MNAT1: variants seen among roughly 807,000 people sequenced by gnomAD.
The protein encoded by MNAT1 is MNAT1 component of CDK activating kinase, also known as CDK-activating kinase assembly factor MAT1.
Under a neutral mutation model 42.0 loss-of-function variants are expected in MNAT1, and 43 were observed. The ratio of observed to expected loss-of-function variants is 1.02; its 90% CI spans 0.80 to 1.32. The LOEUF (loss-of-function observed/expected upper bound fraction) is 1.32. Ranked by LOEUF, MNAT1 falls within the 40% of genes most tolerant of loss-of-function variation. MNAT1 has a pLI of 0.00. For missense variants in MNAT1, 306 were observed against 350.4 expected (o/e 0.87, Z 1.01); for synonymous variants, 118 against 120.0 (o/e 0.98, Z 0.11).
chr14:60,858,335 G>C (rs184430663), intron 6 of MNAT1, among the ~76,000 whole-genome samples: 1 of 151,570 alleles, frequency 6.6e-6, no homozygotes, highest in East Asian at 1.9e-4. Flanking sequence ...GTGATGATGA[G>C]CTTTTTTTCA....
intron 6 of MNAT1, among the ~76,000 whole-genome samples, chr14:60,819,669 C>G (rs935489224): frequency 6.6e-6 from 1 of 152,102 alleles, no homozygotes; most frequent in Non-Finnish European, 1.5e-5. Flanking sequence ...CAATTAAAAA[C>G]TGGTTTTAAA....
intron 6 of MNAT1, among the ~76,000 whole-genome samples, chr14:60,830,217 G>T (rs114825454): frequency 1.8e-3 from 278 of 152,318 alleles, no homozygotes; most frequent in African/African-American, 6.5e-3. Flanking sequence ...GTTAGCAAAA[G>T]AATGGAGGGT....
chr14:60,812,218 CCA>C (rs2032575330), intron 5 of MNAT1, 91 bp downstream of exon 5: 16 of 1,250,766 alleles, frequency 1.3e-5, no homozygotes, highest in Non-Finnish European at 1.4e-5. Context: ...AAGGGCTTTT[CCA>C]CAGTGTTTGT....
rs536667977 is a variant in MNAT1 at position 60,784,099 on chromosome 14, G to A, written c.90-12118G>A. Among the ~76,000 whole-genome samples the A allele has an allele frequency of 5.5e-3, 815 of 148,970 alleles. 5 individuals are homozygous for A. Among genetic ancestry groups the A allele is most frequent in the Non-Finnish European group, 8.8e-3 (594 of 67,380 alleles). ...TCGGCTCACTGCAACCTCCGCCTCC[G>A]CCTCCTGGGTTCAAGCCGTTCTCCT... On this transcript the variant is annotated intron_variant, in intron 1 of 7. Transcript: ENST00000261245.
chr14:60,934,123 G>A (rs2035943029), intron 7 of MNAT1, among the ~76,000 whole-genome samples: 1 of 152,142 alleles, frequency 6.6e-6, no homozygotes, highest in Admixed American at 6.5e-5. Flanking sequence ...CCAAGTTGTT[G>A]ACAATTCATT....
intron 7 of MNAT1, among the ~76,000 whole-genome samples, chr14:60,908,821 T>G (rs553499320): frequency 6.6e-6 from 1 of 152,134 alleles, no homozygotes; most frequent in Non-Finnish European, 1.5e-5. Context: ...GATTTATAAT[T>G]CTTTGGGTAT....
chr14:60,853,625 G>C (rs954713248), intron 6 of MNAT1, among the ~76,000 whole-genome samples: 1 of 152,164 alleles, frequency 6.6e-6, no homozygotes, highest in Admixed American at 6.5e-5. Context: ...TCTTATGCCA[G>C]TTTTCAAAGG....
chr14:60,877,605 G>A lies in MNAT1; in HGVS notation c.688-2109G>A, dbSNP rs182104242. Among the ~76,000 whole-genome samples the A allele has an allele frequency of 1.6e-3, 239 of 152,078 alleles. 3 individuals carry two copies. Among genetic ancestry groups the A allele is most frequent in the Admixed American group, 0.012 (185 of 15,252 alleles). ...GGAGGAATTAATAACTGCAAGAATG[G>A]TTTATAAAAAGTTATGAAATAGAGA... On this transcript the variant is annotated intron_variant, in intron 6 of 7. Transcript: ENST00000261245.
At chr14:60,764,018 G>A (rs1475813995) in intron 1 of MNAT1, among the ~76,000 whole-genome samples, 1 of 152,098 alleles carries the variant, frequency 6.6e-6, no homozygotes, top group Non-Finnish European at 1.5e-5. Context: ...GCAGGTATTG[G>A]TGACAGTTTG....
intron 1 of MNAT1, among the ~76,000 whole-genome samples, chr14:60,743,943 T>C (rs773673690): frequency 3.5e-4 from 53 of 152,276 alleles, no homozygotes; most frequent in Admixed American, 9.1e-4. Context: ...ATCTTTTTTA[T>C]AGTTTTCATT....
chr14:60,738,150 A>G (rs908379820), intron 1 of MNAT1, among the ~76,000 whole-genome samples: 4 of 151,894 alleles, frequency 2.6e-5, no homozygotes, highest in Non-Finnish European at 4.4e-5. Context: ...ATTGCCACAC[A>G]ACTTTGCCTA....
intron 7 of MNAT1, among the ~76,000 whole-genome samples, chr14:60,914,345 C>T (rs908365094): frequency 1.3e-5 from 2 of 152,186 alleles, no homozygotes; most frequent in Non-Finnish European, 2.9e-5. Context: ...CACCCACTGT[C>T]CGGCACTTCC....
At chr14:60,912,166 T>C (rs1566552168) in intron 7 of MNAT1, among the ~76,000 whole-genome samples, 1 of 152,198 alleles carries the variant, frequency 6.6e-6, no homozygotes, top group Non-Finnish European at 1.5e-5. Context: ...TTGTTTTCCG[T>C]TTGCTTGGTA....
At chr14:60,925,010 A>G (rs188146266) in intron 7 of MNAT1, among the ~76,000 whole-genome samples, 85 of 152,330 alleles carry the variant, frequency 5.6e-4, no homozygotes, top group East Asian at 5.0e-3. Flanking sequence ...TAGCAGCTGA[A>G]CTCAGATACA....
rs746463492 is a variant in MNAT1 at position 60,968,609 on chromosome 14, C to T, written c.*260C>T. The stretch of plus-strand genomic sequence containing the variant: ...TGATGGAAGAGAGGAATAAATAATT[C>T]ACCTATATGTGTTTGAGGTTGTGAC... On this transcript the variant is annotated 3_prime_UTR_variant, in exon 8 of 8. Coordinates refer to ENST00000261245, the MANE Select transcript of MNAT1 (RefSeq NM_002431.4). The T allele has an allele frequency of 1.0e-6, 1 of 975,328 alleles. No homozygotes were observed. Among genetic ancestry groups the T allele is most frequent in the South Asian group, 1.4e-5 (1 of 69,614 alleles). 60.4% of individuals were successfully genotyped at this position (975,328 alleles called of 1,614,324 possible). A position where few individuals can be genotyped will look rare whatever the true frequency, so the allele number is the denominator to read the frequency against.
chr14:60,782,831 C>G (rs1249484182), intron 1 of MNAT1, among the ~76,000 whole-genome samples: 1 of 152,152 alleles, frequency 6.6e-6, no homozygotes, highest in Non-Finnish European at 1.5e-5. Context: ...TGCTCTGCTC[C>G]CTCTCAGTTG....
chr14:60,941,299 C>T (rs1278748214), intron 7 of MNAT1, among the ~76,000 whole-genome samples: 1 of 152,162 alleles, frequency 6.6e-6, no homozygotes, highest in Non-Finnish European at 1.5e-5. Flanking sequence ...ATGGTCAATA[C>T]TACTGACTAG....
intron 7 of MNAT1, among the ~76,000 whole-genome samples, chr14:60,936,385 C>A (rs1383074209): frequency 8.0e-6 from 1 of 125,258 alleles, no homozygotes; most frequent in Middle Eastern, 4.2e-3. Context: ...CCCCCTCCCC[C>A]CACCCCACAA....
chr14:60,794,394 G>C (rs2140324785), intron 1 of MNAT1, among the ~76,000 whole-genome samples: 1 of 151,908 alleles, frequency 6.6e-6, no homozygotes. Context: ...GCCAGGAGTG[G>C]TGGCTCATGC....
Sources: gnomAD v4.1 joint callset for allele counts (sites outside exome capture counted in the v4.1 genomes callset) on GRCh38, gnomAD v4.1.1 for gene constraint, MANE v1.5 for transcripts, NCBI Gene and HGNC (gene_info 2026-07-23, HGNC 2026-07-21) for gene names.